SLC8A1: variants seen among roughly 807,000 people sequenced by gnomAD.
The protein encoded by SLC8A1 is sodium/calcium exchanger 1.
In SLC8A1, 18 loss-of-function variants were observed where a neutral mutation model predicts 68.3. The observed-to-expected ratio is 0.26, with a 90% CI of 0.18 to 0.39. SLC8A1 has a LOEUF of 0.39. Among genes scored for constraint, SLC8A1 ranks in the 10% least tolerant of loss-of-function variants. SLC8A1 has a pLI of 1.00. For missense variants in SLC8A1, 985 were observed against 1,156.7 expected (o/e 0.85, Z 2.15); for synonymous variants, 475 against 415.5 (o/e 1.14, Z -1.74).
chr2:40,291,903 CTTTTT>C (rs75778511), intron 2 of SLC8A1, among the ~76,000 whole-genome samples: 2 of 138,236 alleles, frequency 1.4e-5, no homozygotes, highest in Admixed American at 7.4e-5. Context: ...GACATCTTTA[CTTTTT>C]TTTTTTTTTT....
At chr2:40,470,362 A>G (rs915696774) in intron 1 of SLC8A1, among the ~76,000 whole-genome samples, 8 of 152,106 alleles carry the variant, frequency 5.3e-5, no homozygotes, top group Admixed American at 2.6e-4. Flanking sequence ...AAAATAATTG[A>G]AAAGTATGCA....
chr2:40,120,037 T>C (rs2036424485), intron 7 of SLC8A1, among the ~76,000 whole-genome samples: 1 of 152,250 alleles, frequency 6.6e-6, no homozygotes, highest in Non-Finnish European at 1.5e-5. Context: ...CCTTCAGCAA[T>C]TATTCTTTAC....
chr2:40,289,994 G>A (rs2069002914), intron 2 of SLC8A1, among the ~76,000 whole-genome samples: 3 of 152,064 alleles, frequency 2.0e-5, no homozygotes, highest in Admixed American at 2.0e-4. Flanking sequence ...GGTGCTAGGA[G>A]AAGTCTTGAG....
chr2:40,296,265 C>A (rs926651424), intron 2 of SLC8A1, among the ~76,000 whole-genome samples: 1 of 152,066 alleles, frequency 6.6e-6, no homozygotes, highest in Non-Finnish European at 1.5e-5. Flanking sequence ...AACTAGGAGA[C>A]CCCAAGAGGG....
At chr2:40,316,029 C>A (rs2074400687) in intron 2 of SLC8A1, among the ~76,000 whole-genome samples, 1 of 151,824 alleles carries the variant, frequency 6.6e-6, no homozygotes, top group Non-Finnish European at 1.5e-5. Context: ...GCATCACATG[C>A]AAAAAAACGT....
At position 40,364,199 on chromosome 2, in the gene SLC8A1, A is replaced by G. The variant is rs745501005; in HGVS notation, c.1808+64274T>C. ...GATAATTAAAACAAAACATATAAAA[A>G]CATATCAGCTGATATTATTTTCTCA... On this transcript the variant is annotated intron_variant, in intron 2 of 7. Transcript: ENST00000406785. 5.3e-5 allele frequency among the ~76,000 whole-genome samples: 8 copies of G among 152,134 alleles called. No homozygotes were observed. In the South Asian group the frequency reaches 1.2e-3, roughly 24 times the overall value.
At chr2:40,197,530 T>TA (rs958166028) in intron 2 of SLC8A1, among the ~76,000 whole-genome samples, 2 of 152,110 alleles carry the variant, frequency 1.3e-5, no homozygotes, top group East Asian at 1.9e-4. Flanking sequence ...AGCAGACAGT[T>TA]ACGATAAAAT....
At chr2:40,374,690 G>A (rs999258351) in intron 2 of SLC8A1, among the ~76,000 whole-genome samples, 2 of 151,822 alleles carry the variant, frequency 1.3e-5, no homozygotes, top group South Asian at 4.1e-4. Context: ...TCCCAGCCTG[G>A]CCTGACACAC....
chr2:40,254,888 T>C (rs950067750), intron 2 of SLC8A1: 1 of 152,036 alleles, frequency 6.6e-6, no homozygotes, highest in Non-Finnish European at 1.5e-5. Context: ...CATCAAAGAG[T>C]GAACACTGGG....
intron 2 of SLC8A1, among the ~76,000 whole-genome samples, chr2:40,330,673 G>A (rs2076319266): frequency 6.6e-6 from 1 of 152,160 alleles, no homozygotes; most frequent in South Asian, 2.1e-4. Context: ...GCTTATAGTT[G>A]CAAAGGTAAA....
At chr2:40,405,273 G>C (rs1689977909) in intron 2 of SLC8A1, among the ~76,000 whole-genome samples, 3 of 152,202 alleles carry the variant, frequency 2.0e-5, no homozygotes, top group Non-Finnish European at 4.4e-5. Flanking sequence ...TAGTGGCTTA[G>C]AGTTAGAAGG....
intron 4 of SLC8A1, among the ~76,000 whole-genome samples, chr2:40,173,765 A>G (rs936709780): frequency 1.3e-5 from 2 of 152,210 alleles, no homozygotes; most frequent in Non-Finnish European, 2.9e-5. Context: ...ATATTGGCAC[A>G]ATATATTGGA....
intron 1 of SLC8A1, among the ~76,000 whole-genome samples, chr2:40,440,379 A>G (rs1270573917): frequency 6.6e-6 from 1 of 152,208 alleles, no homozygotes; most frequent in Non-Finnish European, 1.5e-5. Flanking sequence ...ATTCTATTTA[A>G]TAATTTAATT....
chr2:40,333,437 CAAAAAAAAA>C (rs11392390), intron 2 of SLC8A1, among the ~76,000 whole-genome samples: 1 of 73,868 alleles, frequency 1.4e-5, no homozygotes, highest in African/African-American at 4.1e-5. Context: ...GACTCCGTCT[CAAAAAAAAA>C]AAAAAAAGAA....
chr2:40,444,446 A>C (rs1366686309), intron 1 of SLC8A1, among the ~76,000 whole-genome samples: 1 of 152,180 alleles, frequency 6.6e-6, no homozygotes, highest in Non-Finnish European at 1.5e-5. Flanking sequence ...CAAATATCTC[A>C]GAAGTGATGG....
At chr2:40,430,360 CA>C (rs1698005847) in intron 1 of SLC8A1, 56 bp from the exon 2 acceptor site, 1 of 1,477,568 alleles carries the variant, frequency 6.8e-7, no homozygotes, top group Non-Finnish European at 9.0e-7. Context: ...ATTAGAGCTG[CA>C]GCCAAAGCAT....
rs369633205 is a variant in SLC8A1 at position 40,508,655 on chromosome 2, C to G, written c.-25+3694G>C. On this transcript the variant is annotated intron_variant, in intron 1 of 7. Transcript: ENST00000402441. ...ATTATAGAGAAAACTTCCTTTTAAA[C>G]ATGCTGAAACTTTTAAAATAAGGAT... 1.6e-4 allele frequency among the ~76,000 whole-genome samples: 25 copies of G among 152,172 alleles called. 1 individual carries two copies. The highest frequency in any genetic ancestry group is 5.8e-4 in the African/African-American group (24 of 41,520).
At chr2:40,134,130 T>C (rs1462440494) in intron 7 of SLC8A1, among the ~76,000 whole-genome samples, 3 of 151,634 alleles carry the variant, frequency 2.0e-5, no homozygotes, top group African/African-American at 7.3e-5. Context: ...CTTGCTCTGT[T>C]GCCCAGGCTG....
Position 40,212,290 on chromosome 2 carries a change from T to TTTTTTTG in SLC8A1, c.1809-34436_1809-34435insCAAAAAA, listed in dbSNP as rs2056747074. Among the ~76,000 whole-genome samples, 2 of 145,782 alleles carry TTTTTTTG rather than the reference T, an allele frequency of 1.4e-5. 1 individual carries two copies. Among genetic ancestry groups the TTTTTTTG allele is most frequent in the Middle Eastern group, 6.4e-3 (2 of 314 alleles). On this transcript the variant is annotated intron_variant, in intron 2 of 7. Transcript: ENST00000406785. ...ACAGAAGAGATGCAATATCTTTTTTTTTTTTTTTTTTCCTGAGACAAGTCT... is the reference window on the plus strand; with the variant it reads ...ACAGAAGAGATGCAATATCTTTTTTTTTTTTTGTTTTTTTTTTTCCTGAGACAAGTCT...
Sources: gnomAD v4.1 joint callset for allele counts (sites outside exome capture counted in the v4.1 genomes callset) on GRCh38, gnomAD v4.1.1 for gene constraint, MANE v1.5 for transcripts, NCBI Gene and HGNC (gene_info 2026-07-23, HGNC 2026-07-21) for gene names.